Variants in UBE2QL1 observed in about 807,000 individuals in gnomAD.
UBE2QL1 encodes ubiquitin conjugating enzyme E2 QL1.
UBE2QL1 carries 5 observed loss-of-function variants against 12.6 expected under a neutral mutation model. That is an observed-to-expected ratio of 0.40 (90% CI 0.21 to 0.83). The LOEUF (loss-of-function observed/expected upper bound fraction) is 0.83, where lower values mean the gene tolerates loss of function less well. Ranked by LOEUF, UBE2QL1 falls within the 40% of genes least tolerant of loss-of-function variation. The probability of loss-of-function intolerance (pLI) is 0.37; values close to 1 mark genes in which losing one functional copy is unlikely to be tolerated. For missense variants in UBE2QL1, 99 were observed against 222.6 expected (o/e 0.44, Z 3.53); for synonymous variants, 96 against 94.5 (o/e 1.02, Z -0.10).
At chr5:6,462,293 A>G (rs1484207824) in intron 1 of UBE2QL1, among the ~76,000 whole-genome samples, 1 of 152,210 alleles carries the variant, frequency 6.6e-6, no homozygotes, top group Non-Finnish European at 1.5e-5. Flanking sequence ...ATCTGCCGGC[A>G]GCTGCAGGGC....
At chr5:6,456,025 G>A (rs773589431) in intron 1 of UBE2QL1, among the ~76,000 whole-genome samples, 5 of 152,200 alleles carry the variant, frequency 3.3e-5, no homozygotes, top group Non-Finnish European at 7.4e-5. Context: ...GGAGGGTGGT[G>A]TGAGCAGACC....
chr5:6,457,935 G>A (rs1739564340), intron 1 of UBE2QL1, among the ~76,000 whole-genome samples: 1 of 152,206 alleles, frequency 6.6e-6, no homozygotes. Context: ...CACATGGTAC[G>A]GAATTATCAG....
chr5:6,462,686 C>T (rs1041046507), intron 1 of UBE2QL1, among the ~76,000 whole-genome samples: 1 of 152,232 alleles, frequency 6.6e-6, no homozygotes, highest in Admixed American at 6.5e-5. Flanking sequence ...AGGCCACCCT[C>T]ACTCAGCGTG....
chr5:6,495,082 G>T lies in UBE2QL1; in HGVS notation c.*3733G>T, dbSNP rs146759612. ...TGGGCAAAGGGAAGGAGAAGGGCAG[G>T]TGTAGCAGGTGTAGAAATGGGAGGG... On this transcript the variant is annotated 3_prime_UTR_variant, in exon 2 of 2. Transcript: ENST00000399816. Among the ~76,000 whole-genome samples the T allele has an allele frequency of 6.6e-6, 1 of 152,186 alleles. No individual in the cohort carries two copies. Among genetic ancestry groups the T allele is most frequent in the Non-Finnish European group, 1.5e-5 (1 of 68,034 alleles).
chr5:6,483,560 C>T (rs1159332970), intron 1 of UBE2QL1, among the ~76,000 whole-genome samples: 4 of 152,192 alleles, frequency 2.6e-5, no homozygotes, highest in Non-Finnish European at 4.4e-5. Flanking sequence ...CTGAGGACAC[C>T]GCATCACCTG....
At position 6,478,653 on chromosome 5, in the gene UBE2QL1, C is replaced by T. The variant is rs1003941149; in HGVS notation, c.355-12565C>T. Among the ~76,000 whole-genome samples the T allele has an allele frequency of 2.6e-5, 4 of 151,530 alleles. No individual in the cohort carries two copies. Among genetic ancestry groups the T allele is most frequent in the Non-Finnish European group, 5.9e-5 (4 of 67,918 alleles). ...TTTTTTTTGGACTTTAACAGCATCGCCGTACCTACTATCTGTGCTGAGAGA... is the reference window on the plus strand; with the variant it reads ...TTTTTTTTGGACTTTAACAGCATCGTCGTACCTACTATCTGTGCTGAGAGA... On this transcript the variant is annotated intron_variant, in intron 1 of 1. Coordinates refer to ENST00000399816, the MANE Select transcript of UBE2QL1 (RefSeq NM_001145161.3). The surrounding 1 kb of genome is among the most constrained non-coding windows in gnomAD (Gnocchi z 4.5).
chr5:6,459,072 A>G (rs1027355134), intron 1 of UBE2QL1, among the ~76,000 whole-genome samples: 7 of 152,150 alleles, frequency 4.6e-5, no homozygotes, highest in East Asian at 1.9e-4. Context: ...CCTTCATCCA[A>G]TGTGAACAAT....
chr5:6,465,707 G>A lies in UBE2QL1; in HGVS notation c.354+16460G>A, dbSNP rs140243458. Among the ~76,000 whole-genome samples the A allele has an allele frequency of 2.6e-3, 389 of 152,234 alleles. 2 individuals carry two copies. The highest frequency in any genetic ancestry group is 9.0e-3 in the African/African-American group (376 of 41,548). ...TGTCCTGGAAAGGAAAGAGCCCTCCGGGATGACCCCTCGCTCACTTCCTGC... is the reference window on the plus strand; with the variant it reads ...TGTCCTGGAAAGGAAAGAGCCCTCCAGGATGACCCCTCGCTCACTTCCTGC... On this transcript the variant is annotated intron_variant, in intron 1 of 1. Coordinates refer to ENST00000399816, the MANE Select transcript of UBE2QL1 (RefSeq NM_001145161.3).
chr5:6,449,853 T>A (rs1407701470), intron 1 of UBE2QL1, among the ~76,000 whole-genome samples: 1 of 133,274 alleles, frequency 7.5e-6, no homozygotes, highest in Admixed American at 8.4e-5. Context: ...ACCTAGCTGA[T>A]CTCCCACCTC....
At position 6,473,888 on chromosome 5, in the gene UBE2QL1, A is replaced by G. The variant is rs184702872; in HGVS notation, c.355-17330A>G. Among the ~76,000 whole-genome samples, 15 of 152,178 alleles carry G rather than the reference A, an allele frequency of 9.9e-5. No homozygotes were observed. In the East Asian group the frequency reaches 1.7e-3, roughly 18 times the overall value. On this transcript the variant is annotated intron_variant, in intron 1 of 1. Coordinates refer to ENST00000399816, the MANE Select transcript of UBE2QL1 (RefSeq NM_001145161.3). ...TCTTATGCCATTTAAAATGTCACCA[A>G]ATATACCTGGGATTAACTTTTCCAT...
At chr5:6,468,987 A>G (rs867455713) in intron 1 of UBE2QL1, among the ~76,000 whole-genome samples, 1 of 152,232 alleles carries the variant, frequency 6.6e-6, no homozygotes, top group African/African-American at 2.4e-5. Context: ...GGCCTTCTTC[A>G]TGATTCCTGC....
intron 1 of UBE2QL1, among the ~76,000 whole-genome samples, chr5:6,489,079 TC>T (rs1734517799): frequency 6.6e-6 from 1 of 152,152 alleles, no homozygotes. Context: ...TGTCATCTTT[TC>T]CTCCGATCTT....
chr5:6,483,176 C>T (rs778124389), intron 1 of UBE2QL1, among the ~76,000 whole-genome samples: 51 of 152,194 alleles, frequency 3.4e-4, no homozygotes, highest in Non-Finnish European at 5.6e-4. Flanking sequence ...TGGCTCATGC[C>T]TGTAATCCCA....
At chr5:6,474,564 G>T (rs1579296643) in intron 1 of UBE2QL1, among the ~76,000 whole-genome samples, 1 of 152,218 alleles carries the variant, frequency 6.6e-6, no homozygotes, top group East Asian at 1.9e-4. Flanking sequence ...CCTCCTGGGT[G>T]AGAATTAGAT....
intron 1 of UBE2QL1, among the ~76,000 whole-genome samples, chr5:6,483,459 TGAG>T (rs199751236): frequency 0.012 from 1,704 of 145,018 alleles, 24 homozygotes; most frequent in African/African-American, 0.041. Flanking sequence ...AAAAAAAAAA[TGAG>T]GAGCCCACAG....
chr5:6,466,636 G>A (rs1360876291), intron 1 of UBE2QL1, among the ~76,000 whole-genome samples: 3 of 152,236 alleles, frequency 2.0e-5, no homozygotes, highest in South Asian at 2.1e-4. Flanking sequence ...AGAGAAAGAC[G>A]AAGGGTGTGG....
In UBE2QL1 at chr5:6,476,657, G is replaced by A. The variant is rs1402394822; in HGVS notation, c.355-14561G>A. ...CTGCAGAAAGCAAAGCACACTCTGCGAATGCATGGCAGGTTTGGGGCAGTA... is the reference window on the plus strand; with the variant it reads ...CTGCAGAAAGCAAAGCACACTCTGCAAATGCATGGCAGGTTTGGGGCAGTA... On this transcript the variant is annotated intron_variant, in intron 1 of 1. Transcript: ENST00000399816. This position sits in a 1 kb window ranked among gnomAD's most constrained non-coding sequence, Gnocchi z 4.9. Among the ~76,000 whole-genome samples, 1 of 152,192 alleles carries A rather than the reference G, an allele frequency of 6.6e-6. No homozygotes were observed. Among genetic ancestry groups the A allele is most frequent in the East Asian group, 1.9e-4 (1 of 5,192 alleles).
chr5:6,472,584 G>A (rs1407417054), intron 1 of UBE2QL1, among the ~76,000 whole-genome samples: 1 of 152,100 alleles, frequency 6.6e-6, no homozygotes, highest in Non-Finnish European at 1.5e-5. Context: ...CTCTTCTTTA[G>A]ACATCTGCTG....
intron 1 of UBE2QL1, 106 bp downstream of exon 1, chr5:6,449,353 A>G (rs1579283176): frequency 1.8e-6 from 2 of 1,114,778 alleles, no homozygotes; most frequent in African/African-American, 1.6e-5. Context: ...CCCTCCGGCC[A>G]TCTCGCTCCC....
Sources: allele counts gnomAD v4.1 joint callset (sites outside exome capture counted in the v4.1 genomes callset), GRCh38; gene constraint gnomAD v4.1.1; non-coding constraint Gnocchi (gnomAD v3.1); transcripts MANE v1.5; gene names NCBI Gene and HGNC (gene_info 2026-07-23, HGNC 2026-07-21).